Variants in FGFBP1 observed in about 807,000 individuals in gnomAD.
FGFBP1 encodes the protein fibroblast growth factor binding protein 1, also known as fibroblast growth factor-binding protein 1.
A neutral mutation model predicts 14.6 loss-of-function variants in FGFBP1; 12 were observed. That is an observed-to-expected ratio of 0.82 (90% confidence interval 0.53 to 1.33). The LOEUF is 1.33. Among genes scored for constraint, FGFBP1 ranks in the 40% most tolerant of loss-of-function variants. The pLI is 0.00. For missense variants in FGFBP1, 317 were observed against 271.8 expected (o/e 1.17, Z -1.17); for synonymous variants, 117 against 105.0 (o/e 1.11, Z -0.70).
Position 15,935,719 on chromosome 4 carries a change from G to T in FGFBP1, c.*209C>A, listed in dbSNP as rs750195571. On this transcript the variant is annotated 3_prime_UTR_variant, in exon 3 of 3. Coordinates refer to ENST00000382333, the MANE Select transcript of FGFBP1 (RefSeq NM_005130.5). ...TGTGTGGGCCATGGAAATACATGCT[G>T]CAGGAAACAGCCTCTGAACATCGCA... 2.7e-5 allele frequency: 12 copies of T among 452,272 alleles called. No individual in the cohort carries two copies. Among genetic ancestry groups the T allele is most frequent in the Admixed American group, 1.5e-4 (4 of 26,418 alleles). The allele number at this position is 452,272 out of a possible 1,614,324, so 28.0% of individuals were successfully genotyped here.
In FGFBP1 at chr4:15,936,117, C is replaced by T. The variant is rs376624573; in HGVS notation, c.516G>A (p.Glu172=). 2 of 1,613,948 alleles carry T rather than the reference C, an allele frequency of 1.2e-6. No homozygotes were observed. Among genetic ancestry groups the T allele is most frequent in the African/African-American group, 1.3e-5 (1 of 74,904 alleles). ...GGGTGGTCTCTTTGCCTTTGATGTG[C>T]TCCCTGGGGGACATCTCTGTTTTCT... is the stretch of plus-strand genomic sequence containing the variant. ...RKEKTEMSPR[E]HIKGKETTPS... The change falls in exon 3 of 3, where the codon GAG becomes GAA. Residue 172 remains glutamate, a synonymous_variant. Coordinates refer to ENST00000382333, the MANE Select transcript of FGFBP1 (RefSeq NM_005130.5).
intron 2 of FGFBP1, among the ~76,000 whole-genome samples, chr4:15,937,470 A>C (rs1712524424): frequency 6.6e-6 from 1 of 152,236 alleles, no homozygotes; most frequent in African/African-American, 2.4e-5. Flanking sequence ...ATCATGAGAA[A>C]TCATTGAATC....
Position 15,935,977 on chromosome 4 carries a change from C to T in FGFBP1, c.656G>A (p.Ser219Asn). Residue 219 changes from serine (S) to asparagine (N), a missense_variant, in exon 3 of 3, where the codon AGC becomes AAC. By Grantham distance (46) the Ser-to-Asn change is conservative. Coordinates refer to ENST00000382333, the MANE Select transcript of FGFBP1 (RefSeq NM_005130.5). ...TALEFCGETW[S>N]SLCTFFLSIV... ...GCTGAGGAAGAATGTGCAGAGAGAG[C>T]TCCAAGTCTCTCCACAGAACTCCAG... The T allele has an allele frequency of 6.2e-7, 1 of 1,613,674 alleles. No individual in the cohort carries two copies. Among genetic ancestry groups the T allele is most frequent in the East Asian group, 2.2e-5 (1 of 44,884 alleles).
intron 2 of FGFBP1, 94 bp downstream of exon 2, chr4:15,938,157 C>G (rs1313891231): frequency 1.3e-5 from 2 of 152,262 alleles, no homozygotes; most frequent in African/African-American, 4.8e-5. Flanking sequence ...CCCCACCTGC[C>G]CATGATGGAA....
chr4:15,936,407 C>G lies in FGFBP1; in HGVS notation c.226G>C (p.Glu76Gln), dbSNP rs1321694801. ...TCAACCTTGAGAGAGATGCCCTCCT[C>G]CTGCTCAGTAGCAGCCCATCTGCAG... Reference protein sequence around the residue: ...ANCRWAATEQEEGISLKVECT... With the variant: ...ANCRWAATEQQEGISLKVECT... Residue 76 changes from glutamate to glutamine, a missense_variant, in exon 3 of 3, where the codon GAG (glutamate) becomes CAG (glutamine). Coordinates refer to ENST00000382333, the MANE Select transcript of FGFBP1 (RefSeq NM_005130.5). The G allele has an allele frequency of 1.2e-6, 2 of 1,614,202 alleles. No individual in the cohort carries two copies. Among genetic ancestry groups the G allele is most frequent in the Non-Finnish European group, 1.7e-6 (2 of 1,180,010 alleles).
chr4:15,937,851 C>G (rs192323130), intron 2 of FGFBP1, among the ~76,000 whole-genome samples: 1 of 152,222 alleles, frequency 6.6e-6, no homozygotes, highest in African/African-American at 2.4e-5. Flanking sequence ...AAAACATTGC[C>G]AAAGAATAAG....
chr4:15,936,159 G>A lies in FGFBP1; in HGVS notation c.474C>T (p.Asn158=), dbSNP rs145719209. 5.9e-5 allele frequency: 96 copies of A among 1,613,984 alleles called. No individual in the cohort carries two copies. The African/African-American group carries it at 1.0e-3, about 17-fold the overall frequency. The change falls in exon 3 of 3, where the codon AAC becomes AAT. Residue 158 remains asparagine, a synonymous_variant. Coordinates refer to ENST00000382333, the MANE Select transcript of FGFBP1 (RefSeq NM_005130.5). ...LKLVSSTLFG[N]TKPRKEKTEM... ...CTGTTTTCTCCTTCCTGGGCTTTGTGTTCCCAAATAGAGTGGAGCTGACTA... is the reference window on the plus strand; with the variant it reads ...CTGTTTTCTCCTTCCTGGGCTTTGTATTCCCAAATAGAGTGGAGCTGACTA...
rs779142994 is a variant in FGFBP1, at chr4:15,935,750, G to A, written c.*178C>T. The A allele has an allele frequency of 2.0e-5, 10 of 503,350 alleles. No homozygotes were observed. Among genetic ancestry groups the A allele is most frequent in the Non-Finnish European group, 3.5e-5 (10 of 288,196 alleles). The allele number at this position is 503,350 out of a possible 1,614,324, so 31.2% of individuals were successfully genotyped here. ...AACAGCCTCTGAACATCGCATCCAA[G>A]AAAAATAAGGCAAATTCCAAAACAC... On this transcript the variant is annotated 3_prime_UTR_variant, in exon 3 of 3. Transcript: ENST00000382333.
In FGFBP1 at chr4:15,936,842, T is replaced by C. The variant is rs1042996949; in HGVS notation, c.-20-190A>G. ...TTCCACTTGACTTGAGTCTTGAGTG[T>C]CACAAAAGTACCACTCTTTGGAGCC... On this transcript the variant is annotated intron_variant, in intron 2 of 2. Coordinates refer to ENST00000382333, the MANE Select transcript of FGFBP1 (RefSeq NM_005130.5). Among the ~76,000 whole-genome samples the C allele has an allele frequency of 9.2e-5, 14 of 152,172 alleles. 1 individual carries two copies. Among genetic ancestry groups the C allele is most frequent in the Admixed American group, 7.2e-4 (11 of 15,274 alleles).
intron 2 of FGFBP1, 24 bp from the exon 3 acceptor site, chr4:15,936,676 T>C: frequency 1.4e-6 from 2 of 1,436,204 alleles, no homozygotes; most frequent in Non-Finnish European, 1.9e-6. Context: ...GGCAAGTGAG[T>C]CAGTGGCAGG....
chr4:15,937,009 A>G (rs1712513726), intron 2 of FGFBP1, among the ~76,000 whole-genome samples: 1 of 152,192 alleles, frequency 6.6e-6, no homozygotes, highest in Non-Finnish European at 1.5e-5. Flanking sequence ...AGAAATCACC[A>G]TGATTGAGAA....
At position 15,936,390 on chromosome 4, in the gene FGFBP1, G is replaced by C. The variant is rs1326187639; in HGVS notation, c.243C>G (p.Leu81=). Residue 81 remains leucine, a synonymous_variant, in exon 3 of 3, where the codon CTC becomes CTG. Transcript: ENST00000382333. ...GGTCCAATTGAGTGCACTCAACCTT[G>C]AGAGAGATGCCCTCCTCCTGCTCAG... ...AATEQEEGIS[L]KVECTQLDHE... The C allele has an allele frequency of 6.2e-7, 1 of 1,614,172 alleles. No homozygotes were observed. Among genetic ancestry groups the C allele is most frequent in the South Asian group, 1.1e-5 (1 of 91,080 alleles).
At position 15,936,385 on chromosome 4, in the gene FGFBP1, A is replaced by G. The variant is rs769915819; in HGVS notation, c.248T>C (p.Val83Ala). The G allele has an allele frequency of 1.2e-6, 2 of 1,614,092 alleles. No homozygotes were observed. Among genetic ancestry groups the G allele is most frequent in the East Asian group, 2.2e-5 (1 of 44,876 alleles). ...TTCATGGTCCAATTGAGTGCACTCA[A>G]CCTTGAGAGAGATGCCCTCCTCCTG... ...TEQEEGISLK[V>A]ECTQLDHEFS... Residue 83 changes from valine (V) to alanine (A), a missense_variant, in exon 3 of 3, where the codon GTT becomes GCT. Coordinates refer to ENST00000382333, the MANE Select transcript of FGFBP1 (RefSeq NM_005130.5).
At chr4:15,936,741 C>T in intron 2 of FGFBP1, 89 bp from the exon 3 acceptor site, 1 of 749,160 alleles carries the variant, frequency 1.3e-6, no homozygotes, top group Non-Finnish European at 2.2e-6. Flanking sequence ...CTGACAGGTG[C>T]CTACATGATT....
chr4:15,935,874 A>G lies in FGFBP1; in HGVS notation c.*54T>C, dbSNP rs1712462349. ...GACTGTAGAGAGCTTTAAAGTATAC[A>G]GAGGGACTTACGACATGACATCTCT... On this transcript the variant is annotated 3_prime_UTR_variant, in exon 3 of 3. Transcript: ENST00000382333. The G allele has an allele frequency of 8.3e-7, 1 of 1,201,924 alleles. No individual in the cohort carries two copies. Among genetic ancestry groups the G allele is most frequent in the Non-Finnish European group, 1.2e-6 (1 of 845,746 alleles). 74.5% of individuals were successfully genotyped at this position (1,201,924 alleles called of 1,614,324 possible). A position where few individuals can be genotyped will look rare whatever the true frequency, so the allele number is the denominator to read the frequency against.
chr4:15,937,917 G>T (rs1463745195), intron 2 of FGFBP1, among the ~76,000 whole-genome samples: 1 of 152,190 alleles, frequency 6.6e-6, no homozygotes, highest in African/African-American at 2.4e-5. Flanking sequence ...ATGATAAGAT[G>T]ATTTGTATTA....
In FGFBP1 at chr4:15,936,658, T is replaced by C; in HGVS notation, c.-20-6A>G. On this transcript the variant is annotated splice_polypyrimidine_tract_variant and splice_region_variant and intron_variant, in intron 2 of 2. Coordinates refer to ENST00000382333, the MANE Select transcript of FGFBP1 (RefSeq NM_005130.5). ...GGCTGCAGCTGGGCGTTCACCTGTT[T>C]GACAAAAGGCAAGTGAGTCAGTGGC... The C allele has an allele frequency of 6.4e-7, 1 of 1,555,682 alleles. No homozygotes were observed. Among genetic ancestry groups the C allele is most frequent in the Non-Finnish European group, 8.7e-7 (1 of 1,146,498 alleles).
Position 15,936,424 on chromosome 4 carries a change from C to T in FGFBP1, c.209G>A (p.Trp70Ter). The change falls in exon 3 of 3, where the codon TGG becomes TAG. Residue 70 changes from tryptophan (W) to a stop codon, truncating the protein, a stop_gained. Transcript: ENST00000382333. LOFTEE classifies it high-confidence loss of function. ...FVTKDQANCR[W>*]AATEQEEGIS... is the part of the protein sequence containing the mutation. ...GCCCTCCTCCTGCTCAGTAGCAGCC[C>T]ATCTGCAGTTGGCTTGGTCTTTGGT... is the stretch of plus-strand genomic sequence containing the variant. 6.2e-7 allele frequency: 1 copy of T among 1,614,210 alleles called. No individual in the cohort carries two copies. The highest frequency in any genetic ancestry group is 8.5e-7 in the Non-Finnish European group (1 of 1,180,032).
At position 15,935,697 on chromosome 4, in the gene FGFBP1, G is replaced by A. The variant is rs1173723990; in HGVS notation, c.*231C>T. ...CTTCGCTGCTCAAACACATAGCTGT[G>A]TGGGCCATGGAAATACATGCTGCAG... On this transcript the variant is annotated 3_prime_UTR_variant, in exon 3 of 3. Coordinates refer to ENST00000382333, the MANE Select transcript of FGFBP1 (RefSeq NM_005130.5). 4.8e-6 allele frequency: 2 copies of A among 414,504 alleles called. No individual in the cohort carries two copies. Among genetic ancestry groups the A allele is most frequent in the Non-Finnish European group, 8.5e-6 (2 of 234,704 alleles). 25.7% of individuals were successfully genotyped at this position (414,504 alleles called of 1,614,324 possible).
Sources: allele counts gnomAD v4.1 joint callset (sites outside exome capture counted in the v4.1 genomes callset), GRCh38; gene constraint gnomAD v4.1.1; transcripts MANE v1.5; gene names NCBI Gene and HGNC (gene_info 2026-07-23, HGNC 2026-07-21).